Variants in SGCZ observed in about 807,000 individuals in gnomAD.
SGCZ encodes sarcoglycan zeta.
Under a neutral mutation model 41.3 loss-of-function variants are expected in SGCZ, and 40 were observed. The ratio of observed to expected loss-of-function variants is 0.97; its 90% CI spans 0.75 to 1.26. SGCZ has a LOEUF of 1.26. Among genes scored for constraint, SGCZ ranks in the 50% most tolerant of loss-of-function variants. The probability of loss-of-function intolerance (pLI) is 0.00; values close to 1 mark genes in which losing one functional copy is unlikely to be tolerated. For synonymous variants in SGCZ, 206 were observed against 137.5 expected, an observed-to-expected ratio of 1.50 and a Z score of -3.49; for missense variants, 552 against 369.8, an observed-to-expected ratio of 1.49 and a Z score of -4.04.
At chr8:14,106,467 TAATA>T (rs138177765) in intron 6 of SGCZ, among the ~76,000 whole-genome samples, 25,443 of 151,992 alleles carry the variant, frequency 0.17, 3,263 homozygotes, top group East Asian at 0.67. Flanking sequence ...CTTTTTTTCC[TAATA>T]AATATTGTTC....
intron 1 of SGCZ, among the ~76,000 whole-genome samples, chr8:14,631,869 A>G (rs138586367): frequency 0.013 from 2,050 of 152,250 alleles, 44 homozygotes; most frequent in African/African-American, 0.047. Context: ...CTTAGTCTCA[A>G]TTAATACACT....
chr8:14,278,469 G>A (rs895812994), intron 3 of SGCZ, among the ~76,000 whole-genome samples: 4 of 152,118 alleles, frequency 2.6e-5, no homozygotes, highest in African/African-American at 7.2e-5. Flanking sequence ...AATGGAAAAA[G>A]TATGCAGAGA....
chr8:14,860,821 C>T (rs1803723098), intron 1 of SGCZ, among the ~76,000 whole-genome samples: 1 of 152,158 alleles, frequency 6.6e-6, no homozygotes, highest in African/African-American at 2.4e-5. Context: ...AACATAGTTG[C>T]AGAAGACCCC....
chr8:14,636,745 A>C (rs1806841384), intron 1 of SGCZ, among the ~76,000 whole-genome samples: 1 of 151,894 alleles, frequency 6.6e-6, no homozygotes, highest in East Asian at 1.9e-4. Context: ...CTTAAACCTT[A>C]TGACTAAATG....
chr8:15,055,135 C>G (rs1049516845), intron 1 of SGCZ, among the ~76,000 whole-genome samples: 3 of 152,098 alleles, frequency 2.0e-5, no homozygotes, highest in African/African-American at 7.2e-5. Context: ...CCTTTCCAAT[C>G]CACACTCAGA....
intron 2 of SGCZ, among the ~76,000 whole-genome samples, chr8:14,460,135 G>A (rs915560742): frequency 3.9e-5 from 6 of 152,156 alleles, no homozygotes; most frequent in African/African-American, 1.4e-4. Flanking sequence ...GAGCAGCTAG[G>A]TGAAGTGTAT....
At chr8:14,344,714 C>T (rs1032820438) in intron 2 of SGCZ, among the ~76,000 whole-genome samples, 37 of 151,928 alleles carry the variant, frequency 2.4e-4, no homozygotes, top group African/African-American at 6.8e-4. Flanking sequence ...ATTAATATAA[C>T]GACTTGAGTT....
At chr8:14,394,920 C>G (rs963497997) in intron 2 of SGCZ, among the ~76,000 whole-genome samples, 34 of 152,222 alleles carry the variant, frequency 2.2e-4, no homozygotes, top group African/African-American at 7.9e-4. Flanking sequence ...AATTGTCTGA[C>G]TACTTGGATT....
chr8:14,456,444 G>A (rs896459821), intron 2 of SGCZ, among the ~76,000 whole-genome samples: 3 of 152,058 alleles, frequency 2.0e-5, no homozygotes, highest in African/African-American at 7.2e-5. Flanking sequence ...ATTTGCAGAG[G>A]AAAAGTTCAT....
At chr8:14,674,999 C>T (rs1446915492) in intron 1 of SGCZ, among the ~76,000 whole-genome samples, 1 of 121,568 alleles carries the variant, frequency 8.2e-6, no homozygotes, top group East Asian at 2.9e-4. Context: ...AGTACAGTGG[C>T]GTGAACCCAG....
intron 1 of SGCZ, among the ~76,000 whole-genome samples, chr8:14,565,477 A>G (rs1216728672): frequency 6.6e-6 from 1 of 152,114 alleles, no homozygotes; most frequent in Non-Finnish European, 1.5e-5. Flanking sequence ...AGAGGTTATC[A>G]ACATGGAGAG....
intron 1 of SGCZ, among the ~76,000 whole-genome samples, chr8:14,626,520 T>C (rs1343130487): frequency 6.6e-6 from 1 of 152,202 alleles, no homozygotes; most frequent in Non-Finnish European, 1.5e-5. Flanking sequence ...GTGAACTTAC[T>C]TGAAAATGGG....
intron 1 of SGCZ, among the ~76,000 whole-genome samples, chr8:14,558,994 C>A (rs1306418913): frequency 1.3e-5 from 2 of 151,962 alleles, no homozygotes. Flanking sequence ...GTAATAAAAG[C>A]CATCTATGAC....
At position 14,733,428 on chromosome 8, in the gene SGCZ, C is replaced by T. The variant is rs373484196; in HGVS notation, c.40-178502G>A. On this transcript the variant is annotated intron_variant, in intron 1 of 7. Coordinates refer to ENST00000382080, the MANE Select transcript of SGCZ (RefSeq NM_139167.4). The stretch of plus-strand genomic sequence containing the variant: ...TGCTATGCCTCTTGGTTCTAGAAAT[C>T]GGTGCAGACAAAAACTTCTTCTTTC... 2.2e-4 allele frequency among the ~76,000 whole-genome samples: 34 copies of T among 152,264 alleles called. 1 individual carries two copies. Among genetic ancestry groups the T allele is most frequent in the African/African-American group, 7.2e-4 (30 of 41,568 alleles).
intron 1 of SGCZ, among the ~76,000 whole-genome samples, chr8:15,234,181 G>C (rs998512188): frequency 2.6e-5 from 4 of 152,246 alleles, no homozygotes; most frequent in African/African-American, 9.6e-5. Flanking sequence ...AAGATCAGTT[G>C]TTTAAAAGAG....
chr8:14,607,350 C>T (rs773341516), intron 1 of SGCZ, among the ~76,000 whole-genome samples: 2 of 152,134 alleles, frequency 1.3e-5, no homozygotes, highest in African/African-American at 2.4e-5. Flanking sequence ...TTACGATCAT[C>T]ACTGCTTAAA....
chr8:14,858,625 A>C (rs2130672658), intron 1 of SGCZ, among the ~76,000 whole-genome samples: 1 of 152,278 alleles, frequency 6.6e-6, no homozygotes, highest in South Asian at 2.1e-4. Context: ...GTAATCTGAA[A>C]CCTATAAACG....
chr8:14,326,372 A>T (rs1255494379), intron 2 of SGCZ, among the ~76,000 whole-genome samples: 2 of 152,092 alleles, frequency 1.3e-5, no homozygotes, highest in Non-Finnish European at 2.9e-5. Flanking sequence ...GATATCAGCA[A>T]CAGAAAATAC....
intron 1 of SGCZ, among the ~76,000 whole-genome samples, chr8:14,567,363 G>A (rs1309864829): frequency 1.3e-5 from 2 of 152,098 alleles, no homozygotes; most frequent in African/African-American, 2.4e-5. Context: ...TGCACCAATC[G>A]GCACTCTGTA....
Sources: allele counts gnomAD v4.1 joint callset (sites outside exome capture counted in the v4.1 genomes callset), GRCh38; gene constraint gnomAD v4.1.1; transcripts MANE v1.5; gene names NCBI Gene and HGNC (gene_info 2026-07-23, HGNC 2026-07-21).